The following SLC35F4 variants were observed in gnomAD, a reference collection of about 807,000 sequenced individuals.
SLC35F4 encodes the protein chromosome 14 open reading frame 36.
In SLC35F4, 24 loss-of-function variants were observed where a neutral mutation model predicts 44.2. The observed-to-expected ratio is 0.54, with a 90% CI of 0.39 to 0.76. SLC35F4 has a LOEUF of 0.76. Among genes scored for constraint, SLC35F4 ranks in the 30% least tolerant of loss-of-function variants. SLC35F4 has a pLI of 0.00. For missense variants in SLC35F4, 562 were observed against 586.1 expected (o/e 0.96, Z 0.42); for synonymous variants, 238 against 223.6 (o/e 1.06, Z -0.57).
intron 1 of SLC35F4, among the ~76,000 whole-genome samples, chr14:57,661,586 G>A (rs1344922741): frequency 6.6e-6 from 1 of 152,172 alleles, no homozygotes; most frequent in African/African-American, 2.4e-5. Flanking sequence ...ACTGATAATA[G>A]AGATAAGTTT....
intron 1 of SLC35F4, among the ~76,000 whole-genome samples, chr14:57,627,410 G>A (rs1028479318): frequency 5.3e-5 from 8 of 152,046 alleles, no homozygotes; most frequent in South Asian, 2.1e-4. Flanking sequence ...TGGTTAATAC[G>A]CTGTCTAGCA....
intron 1 of SLC35F4, among the ~76,000 whole-genome samples, chr14:57,774,531 G>T (rs867868410): frequency 6.6e-6 from 1 of 152,202 alleles, no homozygotes. Flanking sequence ...TTTAGCCCTA[G>T]GGGAACTGTC....
chr14:57,611,632 G>A (rs781229329), intron 1 of SLC35F4, among the ~76,000 whole-genome samples: 13 of 151,658 alleles, frequency 8.6e-5, no homozygotes, highest in Admixed American at 3.3e-4. Context: ...TCACTTCTAC[G>A]ACTGCCAACA....
intron 1 of SLC35F4, among the ~76,000 whole-genome samples, chr14:57,680,126 A>G (rs1276098861): frequency 1.3e-5 from 2 of 152,118 alleles, no homozygotes; most frequent in African/African-American, 2.4e-5. Flanking sequence ...AATTCTTAAT[A>G]AAATACTGGC....
At chr14:57,904,507 A>G (rs1889071149) in intron 1 of SLC35F4, among the ~76,000 whole-genome samples, 1 of 152,228 alleles carries the variant, frequency 6.6e-6, no homozygotes, top group Admixed American at 6.5e-5. Flanking sequence ...GTTTAACACC[A>G]AAGCAAAGTC....
At chr14:57,766,583 T>C (rs2077240572) in intron 1 of SLC35F4, among the ~76,000 whole-genome samples, 1 of 152,194 alleles carries the variant, frequency 6.6e-6, no homozygotes, top group Non-Finnish European at 1.5e-5. Context: ...TGGGGGACAT[T>C]TGTGAGCACA....
chr14:57,666,783 T>G (rs894228746), intron 1 of SLC35F4, among the ~76,000 whole-genome samples: 1 of 152,086 alleles, frequency 6.6e-6, no homozygotes, highest in Non-Finnish European at 1.5e-5. Context: ...CAGGGCAGTT[T>G]CAAAAGGCTT....
chr14:57,778,944 A>G (rs1206890329), intron 1 of SLC35F4, among the ~76,000 whole-genome samples: 1 of 152,156 alleles, frequency 6.6e-6, no homozygotes, highest in Non-Finnish European at 1.5e-5. Context: ...GATACAAAAT[A>G]CCACAATCTC....
At chr14:57,718,632 G>GCGAAATGC in intron 1 of SLC35F4, among the ~76,000 whole-genome samples, 2 of 152,246 alleles carry the variant, frequency 1.3e-5, no homozygotes, top group Admixed American at 1.3e-4. Flanking sequence ...TTTGCCATTT[G>GCGAAATGC]CATGTCTTCT....
At chr14:57,713,828 G>A (rs1032514928) in intron 1 of SLC35F4, among the ~76,000 whole-genome samples, 1 of 152,036 alleles carries the variant, frequency 6.6e-6, no homozygotes, top group African/African-American at 2.4e-5. Context: ...AAGAATATTG[G>A]GAATTCCTTC....
At chr14:57,601,228 T>G (rs1490718084) in intron 1 of SLC35F4, among the ~76,000 whole-genome samples, 1 of 151,978 alleles carries the variant, frequency 6.6e-6, no homozygotes. Context: ...ATTATATGTA[T>G]ATTATCTGAA....
chr14:57,831,280 G>A (rs760500735), intron 1 of SLC35F4, among the ~76,000 whole-genome samples: 16 of 152,126 alleles, frequency 1.1e-4, no homozygotes, highest in African/African-American at 1.9e-4. Flanking sequence ...TCTGCAAGCC[G>A]GAAAGAGGGC....
At chr14:57,810,942 C>CA (rs1326844542) in intron 1 of SLC35F4, among the ~76,000 whole-genome samples, 1 of 152,166 alleles carries the variant, frequency 6.6e-6, no homozygotes, top group Non-Finnish European at 1.5e-5. Flanking sequence ...TGTCAGGTGA[C>CA]AAACTGACTT....
intron 1 of SLC35F4, among the ~76,000 whole-genome samples, chr14:57,756,174 T>C (rs1405644765): frequency 6.6e-6 from 1 of 152,248 alleles, no homozygotes; most frequent in Non-Finnish European, 1.5e-5. Context: ...CTGAGATCTT[T>C]GATTAAAGCT....
At position 57,666,886 on chromosome 14, in the gene SLC35F4, C is replaced by T. The variant is rs1275955259; in HGVS notation, c.104-72762G>A. 9.2e-5 allele frequency among the ~76,000 whole-genome samples: 14 copies of T among 152,050 alleles called. No homozygotes were observed. The East Asian group carries it at 2.7e-3, about 29-fold the overall frequency. On this transcript the variant is annotated intron_variant, in intron 1 of 7. Transcript: ENST00000556826. ...TGGCTAGACAATACAATACCTACAACAGTCTTTGCCCCCAGGGAGACGGAG... is the reference window on the plus strand; with the variant it reads ...TGGCTAGACAATACAATACCTACAATAGTCTTTGCCCCCAGGGAGACGGAG...
At chr14:57,717,743 GTA>G (rs1273013780) in intron 1 of SLC35F4, among the ~76,000 whole-genome samples, 1 of 152,082 alleles carries the variant, frequency 6.6e-6, no homozygotes, top group African/African-American at 2.4e-5. Flanking sequence ...CATAGTAGGT[GTA>G]TATATATTTA....
At chr14:57,845,525 A>G (rs1885938024) in intron 1 of SLC35F4, among the ~76,000 whole-genome samples, 1 of 152,206 alleles carries the variant, frequency 6.6e-6, no homozygotes, top group African/African-American at 2.4e-5. Flanking sequence ...TCTGCAAACA[A>G]TTCAGGCTTA....
intron 1 of SLC35F4, among the ~76,000 whole-genome samples, chr14:57,707,732 A>G (rs2075713736): frequency 1.3e-5 from 2 of 152,158 alleles, no homozygotes; most frequent in Non-Finnish European, 2.9e-5. Flanking sequence ...AGGACTCAGG[A>G]AAAGACAGGA....
At chr14:57,625,491 CA>C (rs2072427561) in intron 1 of SLC35F4, among the ~76,000 whole-genome samples, 1 of 152,096 alleles carries the variant, frequency 6.6e-6, no homozygotes, top group South Asian at 2.1e-4. Context: ...CCCACATAGC[CA>C]AGACAATCCT....
Sources: allele counts gnomAD v4.1 joint callset (sites outside exome capture counted in the v4.1 genomes callset), GRCh38; gene constraint gnomAD v4.1.1; transcripts MANE v1.5; gene names NCBI Gene and HGNC (gene_info 2026-07-23, HGNC 2026-07-21).